SLC22A9: variants seen among roughly 807,000 people sequenced by gnomAD.
SLC22A9 encodes the protein solute carrier family 22 member 9.
A neutral mutation model predicts 50.1 loss-of-function variants in SLC22A9; 64 were observed. The ratio of observed to expected loss-of-function variants is 1.28; its 90% CI spans 1.04 to 1.57. The LOEUF (loss-of-function observed/expected upper bound fraction) is 1.57. SLC22A9 is among the 40% of genes most tolerant of loss of function. SLC22A9 has a pLI of 0.00. For missense variants in SLC22A9, 757 were observed against 676.1 expected (o/e 1.12, Z -1.33); for synonymous variants, 261 against 242.5 (o/e 1.08, Z -0.71).
At chr11:63,371,651 T>G (rs947635508) in intron 2 of SLC22A9, among the ~76,000 whole-genome samples, 1 of 152,206 alleles carries the variant, frequency 6.6e-6, no homozygotes, top group African/African-American at 2.4e-5. Flanking sequence ...TACATCATAG[T>G]TCCAAGTGTG....
At chr11:63,386,436 T>TA (rs2014669857) in intron 6 of SLC22A9, among the ~76,000 whole-genome samples, 1 of 31,364 alleles carries the variant, frequency 3.2e-5, no homozygotes, top group African/African-American at 8.1e-5. Context: ...GACCTGGACT[T>TA]TTTTTTTTTT....
chr11:63,392,697 G>A (rs1295214765), intron 6 of SLC22A9, among the ~76,000 whole-genome samples: 3 of 152,022 alleles, frequency 2.0e-5, no homozygotes, highest in Non-Finnish European at 1.5e-5. Flanking sequence ...AGGCCTTGAG[G>A]AAGTCTCTTT....
intron 5 of SLC22A9, among the ~76,000 whole-genome samples, chr11:63,378,267 A>T (rs1308459903): frequency 1.4e-5 from 2 of 146,092 alleles, no homozygotes; most frequent in Non-Finnish European, 2.9e-5. Context: ...CAGACTAAAA[A>T]CAAAAAACAC....
chr11:63,370,648 C>T (rs186939399), intron 1 of SLC22A9, among the ~76,000 whole-genome samples, 190 bp downstream of exon 1: 3 of 152,250 alleles, frequency 2.0e-5, no homozygotes, highest in Non-Finnish European at 4.4e-5. Flanking sequence ...AAGTAGAAGG[C>T]ATCCTGCTAT....
intron 7 of SLC22A9, among the ~76,000 whole-genome samples, chr11:63,407,418 C>A (rs1448681481): frequency 6.6e-6 from 1 of 152,116 alleles, no homozygotes; most frequent in Admixed American, 6.6e-5. Flanking sequence ...GATTGGTGTG[C>A]TCCACTCCCC....
At position 63,370,312 on chromosome 11, in the gene SLC22A9, G is replaced by C. The variant is rs755918826; in HGVS notation, c.256G>C (p.Glu86Gln). 6.2e-7 allele frequency: 1 copy of C among 1,614,032 alleles called. No individual in the cohort carries two copies. Among genetic ancestry groups the C allele is most frequent in the Non-Finnish European group, 8.5e-7 (1 of 1,179,912 alleles). Residue 86 changes from glutamate to glutamine, a missense_variant, in exon 1 of 10, where the codon GAG becomes CAG. By Grantham distance (29) the Glu-to-Gln change is conservative (BLOSUM62 2). Transcript: ENST00000279178. ...SIPLDSNMRPEKCRRFVHPQW... is the reference protein window; with the variant it reads ...SIPLDSNMRPQKCRRFVHPQW... ...CCCACTGGACTCAAACATGAGGCCA[G>C]AGAAGTGTCGTCGCTTTGTTCATCC...
rs1418761038 is a variant in SLC22A9 at position 63,370,032 on chromosome 11, C to G, written c.-25C>G. On this transcript the variant is annotated 5_prime_UTR_variant, in exon 1 of 10. Transcript: ENST00000279178. Reference sequence around the variant, plus strand: ...TCTGGATACAGTCATTTTGCCTCTACTTGAGGATCAACTGTTCAACCTCAA... The same window carrying G: ...TCTGGATACAGTCATTTTGCCTCTAGTTGAGGATCAACTGTTCAACCTCAA... 1.3e-6 allele frequency: 2 copies of G among 1,593,726 alleles called. No homozygotes were observed. The highest frequency in any genetic ancestry group is 1.7e-6 in the Non-Finnish European group (2 of 1,169,946).
At chr11:63,406,761 C>T (rs776234286) in intron 7 of SLC22A9, 50 bp downstream of exon 7, 4 of 1,576,294 alleles carry the variant, frequency 2.5e-6, no homozygotes, top group Non-Finnish European at 3.5e-6. Flanking sequence ...CCTCTTTTCT[C>T]AGGGATTGTA....
chr11:63,374,780 A>C (rs2014431350), intron 4 of SLC22A9, among the ~76,000 whole-genome samples: 1 of 152,142 alleles, frequency 6.6e-6, no homozygotes, highest in Admixed American at 6.6e-5. Context: ...TTTCTTAATT[A>C]TTATAGGTGA....
rs114976437 is a variant in SLC22A9 at position 63,405,409 on chromosome 11, C to T, written c.1074-1088C>T. Reference sequence around the variant, plus strand: ...AAGTTAAACTTGTAATCAAAATGAACGATGAGACAACATAAAATTGTAGGA... The same window carrying T: ...AAGTTAAACTTGTAATCAAAATGAATGATGAGACAACATAAAATTGTAGGA... On this transcript the variant is annotated intron_variant, in intron 6 of 9. Coordinates refer to ENST00000279178, the MANE Select transcript of SLC22A9 (RefSeq NM_080866.3). 3.1e-3 allele frequency among the ~76,000 whole-genome samples: 470 copies of T among 152,172 alleles called. 3 individuals carry two copies. The highest frequency in any genetic ancestry group is 9.7e-3 in the African/African-American group (404 of 41,522).
chr11:63,402,155 CT>C (rs1212828889), intron 6 of SLC22A9, among the ~76,000 whole-genome samples: 2 of 151,946 alleles, frequency 1.3e-5, no homozygotes, highest in Non-Finnish European at 2.9e-5. Context: ...GTTGCAATTG[CT>C]TTTTGGAGTC....
In SLC22A9 at chr11:63,406,593, C is replaced by T; in HGVS notation, c.1170C>T (p.Ile390=). The part of the protein sequence containing the change: ...FLLQTLFGAV[I]LLANCVAPWA... ...TGCAGACTCTCTTTGGTGCAGTCAT[C>T]CTCCTGGCCAACTGTGTTGCACCTT... Residue 390 remains isoleucine (I), a synonymous_variant, in exon 7 of 10, where the codon ATC becomes ATT. Transcript: ENST00000279178. 1 of 1,613,892 alleles carries T rather than the reference C, an allele frequency of 6.2e-7. No individual in the cohort carries two copies. Among genetic ancestry groups the T allele is most frequent in the Non-Finnish European group, 8.5e-7 (1 of 1,179,866 alleles).
At chr11:63,400,592 A>G (rs1288840908) in intron 6 of SLC22A9, among the ~76,000 whole-genome samples, 1 of 152,140 alleles carries the variant, frequency 6.6e-6, no homozygotes, top group African/African-American at 2.4e-5. Context: ...AAACATTTAA[A>G]GAACTCATAC....
chr11:63,378,873 A>G (rs980706695), intron 5 of SLC22A9, among the ~76,000 whole-genome samples: 3 of 152,190 alleles, frequency 2.0e-5, no homozygotes, highest in Non-Finnish European at 2.9e-5. Flanking sequence ...AGAGATGACC[A>G]CAAACAAATG....
chr11:63,408,217 T>C lies in SLC22A9; in HGVS notation c.1394T>C (p.Ile465Thr), dbSNP rs774265798. Residue 465 changes from isoleucine to threonine, a missense_variant, in exon 8 of 10, where the codon ATC (isoleucine) becomes ACC (threonine). Ile to Thr is a moderately conservative substitution (Grantham distance 89). Transcript: ENST00000279178. ...GGAAATGAAGTAATTCCCACCATAATCAGGTACAGAACCTTAAGTATGCCC... is the reference window on the plus strand; with the variant it reads ...GGAAATGAAGTAATTCCCACCATAACCAGGTACAGAACCTTAAGTATGCCC... ...AHGNEVIPTI[I>T]RARAMGINAT... 2 of 1,612,980 alleles carry C rather than the reference T, an allele frequency of 1.2e-6. No homozygotes were observed. Among genetic ancestry groups the C allele is most frequent in the South Asian group, 2.2e-5 (2 of 91,058 alleles).
rs1387861766 is a variant in SLC22A9, at chr11:63,399,634, G to T, written c.1074-6863G>T. Among the ~76,000 whole-genome samples, 4 of 152,088 alleles carry T rather than the reference G, an allele frequency of 2.6e-5. No homozygotes were observed. In the East Asian group the frequency reaches 7.7e-4, roughly 29 times the overall value. ...AACAACCAACATTCTGCATTGATAAGTTCCTCTAGATGGAAAATCAAAAAA... is the reference window on the plus strand; with the variant it reads ...AACAACCAACATTCTGCATTGATAATTTCCTCTAGATGGAAAATCAAAAAA... On this transcript the variant is annotated intron_variant, in intron 6 of 9. Coordinates refer to ENST00000279178, the MANE Select transcript of SLC22A9 (RefSeq NM_080866.3).
chr11:63,381,868 G>A (rs565873740), intron 5 of SLC22A9, among the ~76,000 whole-genome samples: 4 of 151,922 alleles, frequency 2.6e-5, no homozygotes, highest in South Asian at 2.1e-4. Context: ...ATCTTTATTC[G>A]GTCCCCATCA....
chr11:63,394,283 T>G (rs538455545), intron 6 of SLC22A9, among the ~76,000 whole-genome samples: 10 of 152,176 alleles, frequency 6.6e-5, no homozygotes, highest in Admixed American at 4.6e-4. Context: ...GTTTTTTGGT[T>G]TTTCTTTTTT....
chr11:63,373,686 T>G lies in SLC22A9; in HGVS notation c.549T>G (p.Val183=), dbSNP rs1386734788. 2 of 1,604,458 alleles carry G rather than the reference T, an allele frequency of 1.2e-6. No individual in the cohort carries two copies. Among genetic ancestry groups the G allele is most frequent in the Admixed American group, 1.7e-5 (1 of 57,788 alleles). ...TGCTCAGATGGTGTTACCTCCAGGT[T>G]GCCATTGTTGGCACCTGTGCAGCCT... The part of the protein sequence containing the change: ...RFVLRWCYLQ[V]AIVGTCAALA... Residue 183 remains valine, a synonymous_variant, in exon 3 of 10, where the codon GTT becomes GTG. Transcript: ENST00000279178.
Sources: allele counts gnomAD v4.1 joint callset (sites outside exome capture counted in the v4.1 genomes callset), GRCh38; gene constraint gnomAD v4.1.1; transcripts MANE v1.5; gene names NCBI Gene and HGNC (gene_info 2026-07-23, HGNC 2026-07-21).